Variants in EDAR observed in about 807,000 individuals in gnomAD.
EDAR encodes the protein ectodysplasin A receptor, also known as tumor necrosis factor receptor superfamily member EDAR.
EDAR carries 38 observed loss-of-function variants against 51.3 expected under a neutral mutation model. That is an observed-to-expected ratio of 0.74 (90% CI 0.57 to 0.97). EDAR has a LOEUF of 0.97. EDAR is among the 50% of genes least tolerant of loss of function. EDAR has a pLI of 0.00. For missense variants in EDAR, 528 were observed against 595.0 expected, an observed-to-expected ratio of 0.89 and a Z score of 1.17; for synonymous variants, 227 against 242.1, an observed-to-expected ratio of 0.94 and a Z score of 0.58.
chr2:108,955,730 T>A (rs1160577226), intron 1 of EDAR, among the ~76,000 whole-genome samples: 1 of 149,048 alleles, frequency 6.7e-6, no homozygotes, highest in Non-Finnish European at 1.5e-5. Flanking sequence ...TACAATAACA[T>A]AAAATAAAAT....
chr2:108,954,706 C>T (rs6731403), intron 1 of EDAR, among the ~76,000 whole-genome samples: 84,927 of 151,052 alleles, frequency 0.56, 30,328 homozygotes, highest in Non-Finnish European at 0.8. Context: ...GACAGAGTCT[C>T]GCTCTATTGA....
chr2:108,957,493 A>AG (rs975302915), intron 1 of EDAR, among the ~76,000 whole-genome samples: 26 of 152,188 alleles, frequency 1.7e-4, no homozygotes, highest in African/African-American at 5.5e-4. Context: ...GAGGCCCCCC[A>AG]GGGGGCTGGA....
At chr2:108,925,839 C>A (rs939744300) in intron 4 of EDAR, among the ~76,000 whole-genome samples, 4 of 152,156 alleles carry the variant, frequency 2.6e-5, no homozygotes, top group African/African-American at 9.7e-5. Flanking sequence ...TGGTCTCAAA[C>A]TTCTGACCTC....
intron 1 of EDAR, among the ~76,000 whole-genome samples, chr2:108,974,327 C>T (rs1698285031): frequency 2.2e-5 from 1 of 45,268 alleles, no homozygotes; most frequent in South Asian, 1.3e-3. Flanking sequence ...GAGGATCCGT[C>T]TCAAAAAAAA....
At chr2:108,906,761 G>A (rs779148513) in intron 10 of EDAR, among the ~76,000 whole-genome samples, 6 of 152,218 alleles carry the variant, frequency 3.9e-5, no homozygotes, top group African/African-American at 1.4e-4. Flanking sequence ...CCAGGCCCAC[G>A]GTGCACAGCT....
At chr2:108,919,222 C>T (rs1328936909) in intron 5 of EDAR, among the ~76,000 whole-genome samples, 2 of 152,156 alleles carry the variant, frequency 1.3e-5, no homozygotes, top group Admixed American at 6.5e-5. Context: ...ACGGAAACCA[C>T]GGGAGTACGC....
intron 4 of EDAR, among the ~76,000 whole-genome samples, chr2:108,924,010 G>C (rs1697202464): frequency 6.6e-6 from 1 of 152,254 alleles, no homozygotes; most frequent in Admixed American, 6.5e-5. Flanking sequence ...GTCAATGCAG[G>C]TGGCCCTCAT....
rs1696908465 is a variant in EDAR at position 108,910,635 on chromosome 2, T to TCTG, written c.731-106_731-104dup. 9.4e-6 allele frequency: 13 copies of TCTG among 1,377,406 alleles called. No individual in the cohort carries two copies. In the South Asian group the frequency reaches 1.5e-4, roughly 16 times the overall value. The allele number at this position is 1,377,406 out of a possible 1,614,324, so 85.3% of individuals were successfully genotyped here. A position where few individuals can be genotyped will look rare whatever the true frequency, so the allele number is the denominator to read the frequency against. ...TCCTGTTGGGCAGAGCTGCCCGGTG[T>TCTG]CTGTGTGGCACCACCCCACGGTAAG... On this transcript the variant is annotated intron_variant, in intron 8 of 11. Transcript: ENST00000258443.
chr2:108,936,035 G>A (rs1429625447), intron 1 of EDAR, among the ~76,000 whole-genome samples: 3 of 152,216 alleles, frequency 2.0e-5, no homozygotes, highest in Non-Finnish European at 4.4e-5. Flanking sequence ...CTCCCTACTG[G>A]TCACCACCTT....
At chr2:108,925,971 T>C (rs529862527) in intron 4 of EDAR, among the ~76,000 whole-genome samples, 5 of 152,194 alleles carry the variant, frequency 3.3e-5, no homozygotes, top group Non-Finnish European at 7.3e-5. Flanking sequence ...AAACTGTCCT[T>C]CCTCACCCAG....
intron 5 of EDAR, among the ~76,000 whole-genome samples, chr2:108,915,331 G>A (rs562810256): frequency 2.0e-5 from 3 of 152,322 alleles, no homozygotes; most frequent in African/African-American, 7.2e-5. Context: ...AATGGAGCAG[G>A]GCCACAGGAG....
At chr2:108,971,437 C>T (rs913316261) in intron 1 of EDAR, among the ~76,000 whole-genome samples, 1 of 152,076 alleles carries the variant, frequency 6.6e-6, no homozygotes, top group African/African-American at 2.4e-5. Flanking sequence ...CAGATTATGA[C>T]TCCAGAAGGA....
chr2:108,972,425 C>T lies in EDAR; in HGVS notation c.-19+16535G>A, dbSNP rs144955245. ...CGGGCCCTGGAGCCCTTGCCCAACC[C>T]TCCTGGCTGGCTTTCATGCCAACGT... On this transcript the variant is annotated intron_variant, in intron 1 of 11. Transcript: ENST00000258443. 4.6e-4 allele frequency among the ~76,000 whole-genome samples: 70 copies of T among 152,364 alleles called. No homozygotes were observed. The East Asian group carries it at 0.013, about 28-fold the overall frequency.
chr2:108,965,878 C>T (rs1698142290), intron 1 of EDAR, among the ~76,000 whole-genome samples: 1 of 151,980 alleles, frequency 6.6e-6, no homozygotes. Flanking sequence ...TCTGTGCTCC[C>T]CCCTCTCCCC....
chr2:108,978,856 A>G (rs1698375138), intron 1 of EDAR, among the ~76,000 whole-genome samples: 1 of 152,216 alleles, frequency 6.6e-6, no homozygotes, highest in Non-Finnish European at 1.5e-5. Flanking sequence ...TGGTTAAATT[A>G]AACCCAACAG....
At chr2:108,974,618 T>C (rs1356845604) in intron 1 of EDAR, among the ~76,000 whole-genome samples, 1 of 151,714 alleles carries the variant, frequency 6.6e-6, no homozygotes, top group Non-Finnish European at 1.5e-5. Context: ...TAATCCCAGC[T>C]ACTTGGGAGG....
intron 4 of EDAR, 65 bp from the exon 5 acceptor site, chr2:108,923,518 T>C: frequency 6.7e-6 from 10 of 1,498,410 alleles, no homozygotes; most frequent in African/African-American, 1.4e-5. Flanking sequence ...CAGGGACTGG[T>C]GCAGAGAGCA....
At chr2:108,907,773 A>T (rs1208472623) in intron 10 of EDAR, 87 bp downstream of exon 10, 1 of 1,496,920 alleles carries the variant, frequency 6.7e-7, no homozygotes, top group African/African-American at 1.4e-5. Context: ...GTCTTGCAGG[A>T]GAGCTGATTC....
intron 9 of EDAR, among the ~76,000 whole-genome samples, chr2:108,908,888 A>T (rs1462762590): frequency 6.6e-6 from 1 of 152,158 alleles, no homozygotes; most frequent in African/African-American, 2.4e-5. Context: ...AGACAATGAG[A>T]ACCATCATGA....
Sources: allele counts gnomAD v4.1 joint callset (sites outside exome capture counted in the v4.1 genomes callset), GRCh38; gene constraint gnomAD v4.1.1; transcripts MANE v1.5; gene names NCBI Gene and HGNC (gene_info 2026-07-23, HGNC 2026-07-21).